The following UNC13A variants were observed in gnomAD, a reference collection of about 807,000 sequenced individuals.
The protein encoded by UNC13A is unc-13 homolog A.
Under a neutral mutation model 219.7 loss-of-function variants are expected in UNC13A, and 61 were observed. The ratio of observed to expected loss-of-function variants is 0.28; its 90% CI spans 0.23 to 0.34. The LOEUF is 0.34. UNC13A is among the 10% of genes least tolerant of loss of function. The probability of loss-of-function intolerance (pLI) is 1.00; values close to 1 mark genes in which losing one functional copy is unlikely to be tolerated. For synonymous variants in UNC13A, 920 were observed against 884.6 expected (o/e 1.04, Z -0.71); for missense variants, 1,476 against 2,270.3 (o/e 0.65, Z 7.11).
chr19:17,672,342 T>C (rs2079804953), intron 4 of UNC13A, 36 bp downstream of exon 4: 5 of 1,567,840 alleles, frequency 3.2e-6, no homozygotes, highest in Non-Finnish European at 4.4e-6. Flanking sequence ...TGCAAGGCAC[T>C]CCTCCTTCTT....
Position 17,605,940 on chromosome 19 carries a change from G to A in UNC13A, c.*114C>T. Reference sequence around the variant, plus strand: ...AGGGCGTAGGCGCAGCCCACCCTTGGCGTGGAGCCCCCCGAGCCCCGCCCC... The same window carrying A: ...AGGGCGTAGGCGCAGCCCACCCTTGACGTGGAGCCCCCCGAGCCCCGCCCC... On this transcript the variant is annotated 3_prime_UTR_variant, in exon 44 of 44. Coordinates refer to ENST00000519716, the MANE Select transcript of UNC13A (RefSeq NM_001080421.3). 2 of 1,009,300 alleles carry A rather than the reference G, an allele frequency of 2.0e-6. No individual in the cohort carries two copies. The highest frequency in any genetic ancestry group is 2.7e-6 in the Non-Finnish European group (2 of 751,934). 62.5% of individuals were successfully genotyped at this position (1,009,300 alleles called of 1,614,324 possible).
At chr19:17,654,074 A>G (rs1419715026) in intron 11 of UNC13A, among the ~76,000 whole-genome samples, 1 of 150,772 alleles carries the variant, frequency 6.6e-6, no homozygotes, top group African/African-American at 2.4e-5. Context: ...TGATCCACCC[A>G]CCTCGGCCTC....
chr19:17,680,083 C>T (rs1046492755), intron 1 of UNC13A, among the ~76,000 whole-genome samples: 3 of 119,706 alleles, frequency 2.5e-5, no homozygotes, highest in African/African-American at 9.7e-5. Flanking sequence ...CCGAGAGTGG[C>T]GAGGGGGTTC....
chr19:17,661,009 G>A (rs1175269218), intron 8 of UNC13A, among the ~76,000 whole-genome samples: 1 of 151,842 alleles, frequency 6.6e-6, no homozygotes, highest in African/African-American at 2.4e-5. Flanking sequence ...CACAATCATG[G>A]CTCACTGCAG....
rs2076909711 is a variant in UNC13A at position 17,636,015 on chromosome 19, A to T, written c.3215+9T>A. On this transcript the variant is annotated intron_variant, in intron 26 of 43. Transcript: ENST00000519716. ...CCCAGATAATTAACTACACAGATACACAACTCACTGGTTGAGGCAGGGAGT... is the reference window on the plus strand; with the variant it reads ...CCCAGATAATTAACTACACAGATACTCAACTCACTGGTTGAGGCAGGGAGT... The T allele has an allele frequency of 6.2e-7, 1 of 1,608,066 alleles. No individual in the cohort carries two copies. Among genetic ancestry groups the T allele is most frequent in the African/African-American group, 1.3e-5 (1 of 74,974 alleles).
At chr19:17,615,704 A>G (rs1399188454) in intron 41 of UNC13A, among the ~76,000 whole-genome samples, 2 of 151,804 alleles carry the variant, frequency 1.3e-5, no homozygotes, top group African/African-American at 4.8e-5. Flanking sequence ...ACAAAACCAA[A>G]CACAGATTCT....
intron 1 of UNC13A, among the ~76,000 whole-genome samples, chr19:17,687,440 G>C (rs1421413269): frequency 6.6e-6 from 1 of 152,098 alleles, no homozygotes; most frequent in African/African-American, 2.4e-5. Context: ...AAACGTGTTT[G>C]GGAGAACCGG....
At chr19:17,651,657 CTT>C (rs1270617958) in intron 12 of UNC13A, among the ~76,000 whole-genome samples, 1 of 152,142 alleles carries the variant, frequency 6.6e-6, no homozygotes, top group Non-Finnish European at 1.5e-5. Flanking sequence ...TAAACCACAT[CTT>C]TTCTCGGCAG....
Position 17,605,910 on chromosome 19 carries a change from A to G in UNC13A, c.*144T>C. ...CCTAATTCCCCAAAAGGGAAAGCTG[A>G]GTCAAGGGCGTAGGCGCAGCCCACC... is the stretch of plus-strand genomic sequence containing the variant. On this transcript the variant is annotated 3_prime_UTR_variant, in exon 44 of 44. Coordinates refer to ENST00000519716, the MANE Select transcript of UNC13A (RefSeq NM_001080421.3). The G allele has an allele frequency of 1.3e-6, 1 of 744,218 alleles. No individual in the cohort carries two copies. Among genetic ancestry groups the G allele is most frequent in the Non-Finnish European group, 1.9e-6 (1 of 516,204 alleles). 46.1% of individuals were successfully genotyped at this position (744,218 alleles called of 1,614,324 possible). A position where few individuals can be genotyped will look rare whatever the true frequency, so the allele number is the denominator to read the frequency against.
At chr19:17,679,331 C>T (rs370130254) in intron 1 of UNC13A, among the ~76,000 whole-genome samples, 3 of 151,740 alleles carry the variant, frequency 2.0e-5, no homozygotes, top group African/African-American at 4.8e-5. Flanking sequence ...ACCCAGGAGG[C>T]GGAGGTTGCA....
chr19:17,633,267 C>CT, intron 26 of UNC13A, 74 bp from the exon 27 acceptor site: 1 of 1,325,724 alleles, frequency 7.5e-7, no homozygotes, highest in Middle Eastern at 1.8e-4. Flanking sequence ...TCCTTCCCTG[C>CT]CCCACAGAGG....
rs1276863477 is a variant in UNC13A at position 17,627,131 on chromosome 19, A to C, written c.3921-346T>G. Among the ~76,000 whole-genome samples the C allele has an allele frequency of 6.6e-6, 1 of 151,460 alleles. No homozygotes were observed. The highest frequency in any genetic ancestry group is 1.5e-5 in the Non-Finnish European group (1 of 67,914). ...CAGTGAGCCGAGATCGCGCCACTGC[A>C]CTCCAGCCTGGTGACAGAACGAGAC... On this transcript the variant is annotated intron_variant, in intron 33 of 43. Transcript: ENST00000519716. This position sits in a 1 kb window ranked among gnomAD's most constrained non-coding sequence, Gnocchi z 4.7.
chr19:17,645,334 C>T (rs1229695915), intron 19 of UNC13A, among the ~76,000 whole-genome samples: 3 of 152,116 alleles, frequency 2.0e-5, no homozygotes, highest in African/African-American at 7.2e-5. Flanking sequence ...AAAGCTCAAT[C>T]TTCTTTCTTA....
chr19:17,688,237 C>T lies in UNC13A; in HGVS notation c.-38G>A. On this transcript the variant is annotated 5_prime_UTR_variant, in exon 1 of 44. Coordinates refer to ENST00000519716, the MANE Select transcript of UNC13A (RefSeq NM_001080421.3). ...GCAGGTGGGCCGGAGGCGGCCGGGC[C>T]GGCTCTGTCGGGTCGGGCTCAGCGG... is the stretch of plus-strand genomic sequence containing the variant. The T allele has an allele frequency of 6.8e-7, 1 of 1,465,952 alleles. No homozygotes were observed. The highest frequency in any genetic ancestry group is 9.0e-7 in the Non-Finnish European group (1 of 1,108,114). The allele number at this position is 1,465,952 out of a possible 1,614,324, so 90.8% of individuals were successfully genotyped here.
rs11665951 is a variant in UNC13A, at chr19:17,649,752, C to T, written c.1440-165G>A. On this transcript the variant is annotated intron_variant, in intron 12 of 43. Transcript: ENST00000519716. This position sits in a 1 kb window ranked among gnomAD's most constrained non-coding sequence, Gnocchi z 4.4. ...CCCACTACCTCAGAAGGTGACCTTA[C>T]TTGGAAACGGGGTTGTCACAGATGT... 0.85 allele frequency among the ~76,000 whole-genome samples: 129,930 copies of T among 152,126 alleles called. 56,023 individuals carry two copies. The highest frequency in any genetic ancestry group is 0.96 in the African/African-American group (39,945 of 41,506).
intron 6 of UNC13A, among the ~76,000 whole-genome samples, chr19:17,666,996 G>A (rs10423329): frequency 0.84 from 126,900 of 151,790 alleles, 53,772 homozygotes; most frequent in Middle Eastern, 0.92. Context: ...ACTCACACCT[G>A]TAATCCCAGC....
chr19:17,663,622 A>G, intron 7 of UNC13A, 55 bp from the exon 8 acceptor site: 1 of 1,558,444 alleles, frequency 6.4e-7, no homozygotes, highest in Non-Finnish European at 8.7e-7. Flanking sequence ...GGGTGGGTGT[A>G]GGAAGGGGGC....
chr19:17,616,086 C>T (rs1767396457), intron 41 of UNC13A, among the ~76,000 whole-genome samples: 1 of 152,184 alleles, frequency 6.6e-6, no homozygotes, highest in South Asian at 2.1e-4. Flanking sequence ...GGTGCCTACC[C>T]GTGGAGTGGC....
chr19:17,620,569 G>T, intron 38 of UNC13A, 124 bp downstream of exon 38: 1 of 743,168 alleles, frequency 1.3e-6, no homozygotes, highest in Admixed American at 2.3e-5. Context: ...AGGAAGAAGA[G>T]ACCAACAGAC....
Sources: gnomAD v4.1 joint callset for allele counts (sites outside exome capture counted in the v4.1 genomes callset) on GRCh38, gnomAD v4.1.1 for gene constraint, Gnocchi (gnomAD v3.1) non-coding constraint, MANE v1.5 for transcripts, NCBI Gene and HGNC (gene_info 2026-07-23, HGNC 2026-07-21) for gene names.